The following IL1RL1 variants were observed in gnomAD, a reference collection of about 807,000 sequenced individuals.
IL1RL1 encodes the protein interleukin-1 receptor-like 1.
A neutral mutation model predicts 50.9 loss-of-function variants in IL1RL1; 32 were observed. The observed-to-expected ratio is 0.63, with a 90% CI of 0.47 to 0.84. IL1RL1 has a LOEUF of 0.84. IL1RL1 is among the 40% of genes least tolerant of loss of function. The pLI is 0.00. For synonymous variants in IL1RL1, 275 were observed against 236.0 expected, an observed-to-expected ratio of 1.17 and a Z score of -1.51; for missense variants, 773 against 662.9, an observed-to-expected ratio of 1.17 and a Z score of -1.82.
At chr2:102,348,951 C>G (rs1213497496) in intron 9 of IL1RL1, 128 bp from the exon 10 acceptor site, 1 of 672,362 alleles carries the variant, frequency 1.5e-6, no homozygotes, top group Non-Finnish European at 2.6e-6. Flanking sequence ...TCTCTTGAGT[C>G]TAGAATATTT....
At chr2:102,327,064 C>A (rs1050192808) in intron 1 of IL1RL1, among the ~76,000 whole-genome samples, 13 of 152,066 alleles carry the variant, frequency 8.5e-5, no homozygotes, top group African/African-American at 2.7e-4. Flanking sequence ...TTTTTCAGCA[C>A]CACACCACAC....
At chr2:102,313,003 A>G (rs984914470) in intron 1 of IL1RL1, 2 of 152,022 alleles carry the variant, frequency 1.3e-5, no homozygotes, top group Admixed American at 6.6e-5. Flanking sequence ...GTTCCTGAAT[A>G]CCATTGTGGA....
At chr2:102,349,676 C>A (rs981464175) in intron 10 of IL1RL1, among the ~76,000 whole-genome samples, 4 of 152,188 alleles carry the variant, frequency 2.6e-5, no homozygotes, top group Admixed American at 1.3e-4. Context: ...TCATGACTTT[C>A]TTTATGTTGG....
intron 1 of IL1RL1, among the ~76,000 whole-genome samples, chr2:102,324,499 TG>T (rs1676932687): frequency 6.6e-6 from 1 of 152,150 alleles, no homozygotes; most frequent in African/African-American, 2.4e-5. Flanking sequence ...TGTCGGATAG[TG>T]GGTGCAGGAC....
chr2:102,320,538 T>C (rs1309094386), intron 1 of IL1RL1, among the ~76,000 whole-genome samples: 1 of 152,174 alleles, frequency 6.6e-6, no homozygotes, highest in East Asian at 1.9e-4. Flanking sequence ...ATCCTACTGA[T>C]GGGTTCACAT....
chr2:102,323,600 A>G (rs904909298), intron 1 of IL1RL1, among the ~76,000 whole-genome samples: 1 of 151,696 alleles, frequency 6.6e-6, no homozygotes, highest in African/African-American at 2.4e-5. Flanking sequence ...GGGGTGGGGG[A>G]GTGCTAAGTT....
intron 1 of IL1RL1, among the ~76,000 whole-genome samples, chr2:102,315,755 A>T (rs1573126255): frequency 1.3e-5 from 2 of 152,214 alleles, no homozygotes; most frequent in African/African-American, 4.8e-5. Context: ...CAGAAAAATC[A>T]CCCTTTAGAG....
At chr2:102,328,140 CA>C (rs1332635776) in intron 1 of IL1RL1, among the ~76,000 whole-genome samples, 5 of 152,164 alleles carry the variant, frequency 3.3e-5, no homozygotes, top group African/African-American at 1.2e-4. Context: ...AGCAGCACAT[CA>C]AAAAGCTTAT....
intron 1 of IL1RL1, among the ~76,000 whole-genome samples, chr2:102,318,375 A>G (rs1415710059): frequency 6.7e-6 from 1 of 148,858 alleles, no homozygotes; most frequent in Non-Finnish European, 1.5e-5. Context: ...GGATACCTCC[A>G]AGGATTTTGA....
At chr2:102,342,968 C>A in intron 6 of IL1RL1, 68 bp from the exon 7 acceptor site, 1 of 1,482,678 alleles carries the variant, frequency 6.7e-7, no homozygotes, top group Non-Finnish European at 9.3e-7. Flanking sequence ...TTTTTTTTTA[C>A]ATTAAATGGG....
At chr2:102,330,511 C>T (rs1398717642) in intron 1 of IL1RL1, among the ~76,000 whole-genome samples, 1 of 152,102 alleles carries the variant, frequency 6.6e-6, no homozygotes, top group Non-Finnish European at 1.5e-5. Context: ...AGTAGAATCT[C>T]ATTGTGATTT....
At chr2:102,317,866 A>G (rs897538856) in intron 1 of IL1RL1, among the ~76,000 whole-genome samples, 4 of 152,138 alleles carry the variant, frequency 2.6e-5, no homozygotes, top group Non-Finnish European at 5.9e-5. Flanking sequence ...GACCTCATTG[A>G]GAAAGTGAGG....
chr2:102,342,397 G>A (rs1212635074), intron 6 of IL1RL1, 103 bp downstream of exon 6: 1 of 754,802 alleles, frequency 1.3e-6, no homozygotes, highest in Admixed American at 2.2e-5. Context: ...TTAGCATAAG[G>A]AACCTTGAGG....
chr2:102,351,476 G>A, intron 10 of IL1RL1, 60 bp from the exon 11 acceptor site: 1 of 1,413,156 alleles, frequency 7.1e-7, no homozygotes, highest in Non-Finnish European at 9.8e-7. Flanking sequence ...AAATGTTCAG[G>A]ATGTTTATGT....
intron 1 of IL1RL1, among the ~76,000 whole-genome samples, chr2:102,323,977 T>C (rs1397709589): frequency 1.3e-5 from 2 of 151,934 alleles, no homozygotes; most frequent in Admixed American, 1.3e-4. Flanking sequence ...AACTGGCTTC[T>C]TTCATTCAGT....
At position 102,344,391 on chromosome 2, in the gene IL1RL1, G is replaced by T. The variant is rs114520889; in HGVS notation, c.970+976G>T. On this transcript the variant is annotated intron_variant, in intron 8 of 10. Transcript: ENST00000233954. ...CTTTGTAAAGTATTTAAGGTACATG[G>T]AACACACGGGAAGTCTGGTAGCTCA... 252 of 961,558 alleles carry T rather than the reference G, an allele frequency of 2.6e-4. No individual in the cohort carries two copies. In the African/African-American group the frequency reaches 3.8e-3, roughly 14 times the overall value. The allele number at this position is 961,558 out of a possible 1,614,324, so 59.6% of individuals were successfully genotyped here. A position where few individuals can be genotyped will look rare whatever the true frequency, so the allele number is the denominator to read the frequency against.
chr2:102,349,059 C>T lies in IL1RL1; in HGVS notation c.1118-20C>T, dbSNP rs751056637. 1 of 1,603,466 alleles carries T rather than the reference C, an allele frequency of 6.2e-7. No homozygotes were observed. Among genetic ancestry groups the T allele is most frequent in the South Asian group, 1.1e-5 (1 of 90,772 alleles). ...TTTTAGAATCAAGTAAGAAGTTGTA[C>T]TTCTTGTTTTCATTTTCAGATGGAA... On this transcript the variant is annotated intron_variant, in intron 9 of 10. Coordinates refer to ENST00000233954, the MANE Select transcript of IL1RL1 (RefSeq NM_016232.5).
At chr2:102,340,069 T>C in intron 3 of IL1RL1, 29 bp from the exon 4 acceptor site, 1 of 1,367,572 alleles carries the variant, frequency 7.3e-7, no homozygotes, top group Non-Finnish European at 9.7e-7. Flanking sequence ...GCTAAGTGAC[T>C]CTTTTAATTG....
chr2:102,345,534 C>A, intron 8 of IL1RL1: 1 of 985,412 alleles, frequency 1.0e-6, no homozygotes, highest in Non-Finnish European at 1.2e-6. Flanking sequence ...GGTTAGGATT[C>A]ATCCAGATAC....
Sources: allele counts gnomAD v4.1 joint callset (sites outside exome capture counted in the v4.1 genomes callset), GRCh38; gene constraint gnomAD v4.1.1; transcripts MANE v1.5; gene names NCBI Gene and HGNC (gene_info 2026-07-23, HGNC 2026-07-21).